Variants in LDLRAD4 observed in about 807,000 individuals in gnomAD.
LDLRAD4 encodes the protein low density lipoprotein receptor class A domain containing 4.
A neutral mutation model predicts 17.0 loss-of-function variants in LDLRAD4; 5 were observed. The ratio of observed to expected loss-of-function variants is 0.29; its 90% CI spans 0.15 to 0.62. LDLRAD4 has a LOEUF of 0.62. Among genes scored for constraint, LDLRAD4 ranks in the 20% least tolerant of loss-of-function variants. The pLI is 0.84. For synonymous variants in LDLRAD4, 168 were observed against 171.8 expected (o/e 0.98, Z 0.17); for missense variants, 340 against 424.7 (o/e 0.80, Z 1.75).
chr18:13,375,882 C>G (rs962439754), intron 1 of LDLRAD4, among the ~76,000 whole-genome samples: 2 of 152,106 alleles, frequency 1.3e-5, no homozygotes, highest in Non-Finnish European at 2.9e-5. Context: ...GTGTGTTTCC[C>G]GATTTCAAGT....
At chr18:13,346,698 T>A (rs569160582) in intron 1 of LDLRAD4, among the ~76,000 whole-genome samples, 13 of 152,292 alleles carry the variant, frequency 8.5e-5, no homozygotes, top group African/African-American at 2.4e-4. Flanking sequence ...CCCATTATTA[T>A]TGTGTGGGAG....
At chr18:13,280,003 CCTT>C (rs1353406432) in intron 1 of LDLRAD4, 3 of 152,274 alleles carry the variant, frequency 2.0e-5, no homozygotes, top group African/African-American at 7.2e-5. Context: ...GGTGGTATTG[CCTT>C]CTTCTGCTTT....
chr18:13,650,336 G>A lies in LDLRAD4; in HGVS notation c.*4679G>A, dbSNP rs181493139. 5.6e-4 allele frequency: 225 copies of A among 400,856 alleles called. 1 individual carries two copies. Among genetic ancestry groups the A allele is most frequent in the Non-Finnish European group, 8.0e-4 (183 of 227,332 alleles). 24.8% of individuals were successfully genotyped at this position (400,856 alleles called of 1,614,324 possible). On this transcript the variant is annotated 3_prime_UTR_variant, in exon 6 of 6. Coordinates refer to ENST00000359446, the Ensembl canonical transcript of LDLRAD4. ...AGGAATGTCTTGCTAAGAAAGCAATGTCTTCCTTCATCCTTTTCTTTCTTC... is the reference window on the plus strand; with the variant it reads ...AGGAATGTCTTGCTAAGAAAGCAATATCTTCCTTCATCCTTTTCTTTCTTC...
intron 3 of LDLRAD4, among the ~76,000 whole-genome samples, chr18:13,455,822 G>C (rs2092102681): frequency 6.6e-6 from 1 of 152,170 alleles, no homozygotes; most frequent in Non-Finnish European, 1.5e-5. Context: ...GTGGTGCTAA[G>C]ATAAATGGAT....
At chr18:13,275,718 C>G (rs1484346559), upstream of LDLRAD4, among the ~76,000 whole-genome samples, 1 of 152,164 alleles carries the variant, frequency 6.6e-6, no homozygotes, top group Non-Finnish European at 1.5e-5. Flanking sequence ...ATCAAAACAT[C>G]TCATGTACCC....
intron 3 of LDLRAD4, among the ~76,000 whole-genome samples, chr18:13,536,592 C>G (rs1030980894): frequency 2.0e-5 from 3 of 151,854 alleles, no homozygotes; most frequent in Non-Finnish European, 2.9e-5. Context: ...TTTTCCCAGC[C>G]TGTATGCCTT....
chr18:13,494,673 A>ATT (rs369486762), intron 3 of LDLRAD4, among the ~76,000 whole-genome samples: 7 of 17,338 alleles, frequency 4.0e-4, no homozygotes, highest in African/African-American at 1.6e-3. Context: ...CATATTTAAT[A>ATT]ATATAATATA....
At chr18:13,494,284 A>C (rs1283575453) in intron 3 of LDLRAD4, among the ~76,000 whole-genome samples, 1 of 152,050 alleles carries the variant, frequency 6.6e-6, no homozygotes, top group Non-Finnish European at 1.5e-5. Flanking sequence ...CTTCTGCTTC[A>C]AGGGACATCA....
At chr18:13,237,618 A>G (rs1212308013) in intron 1 of LDLRAD4, among the ~76,000 whole-genome samples, 2 of 152,202 alleles carry the variant, frequency 1.3e-5, no homozygotes, top group African/African-American at 4.8e-5. Flanking sequence ...CTCGGTCTCC[A>G]AGTAGCATTG....
Position 13,413,684 on chromosome 18 carries a change from G to C in LDLRAD4, c.41-24560G>C, listed in dbSNP as rs75937489. The stretch of plus-strand genomic sequence containing the variant: ...ACTGTCAACATTTACTGGATGTCCA[G>C]TGTTTGCAGTGACCTAACGATTGCT... On this transcript the variant is annotated intron_variant, in intron 2 of 5. Coordinates refer to ENST00000359446, the Ensembl canonical transcript of LDLRAD4. Among the ~76,000 whole-genome samples the C allele has an allele frequency of 2.0e-3, 307 of 152,336 alleles. 1 individual carries two copies. Among genetic ancestry groups the C allele is most frequent in the African/African-American group, 7.2e-3 (298 of 41,572 alleles).
rs2092362153 is a variant in LDLRAD4 at position 13,460,177 on chromosome 18, C to T, written c.181+21793C>T. Among the ~76,000 whole-genome samples, 3 of 152,128 alleles carry T rather than the reference C, an allele frequency of 2.0e-5. No individual in the cohort carries two copies. In the South Asian group the frequency reaches 6.2e-4, roughly 31 times the overall value. ...ACTAGTAGTTAATGAACATTATTTT[C>T]CTAAATTCATAGCTTTTATTTTGTT... On this transcript the variant is annotated intron_variant, in intron 3 of 5. Coordinates refer to ENST00000359446, the Ensembl canonical transcript of LDLRAD4.
chr18:13,333,482 T>G (rs995379963), intron 1 of LDLRAD4, among the ~76,000 whole-genome samples: 1 of 152,218 alleles, frequency 6.6e-6, no homozygotes, highest in African/African-American at 2.4e-5. Context: ...TCTAAGAAAT[T>G]GTTGCCATTC....
intron 3 of LDLRAD4, among the ~76,000 whole-genome samples, chr18:13,497,326 G>A (rs930070248): frequency 6.7e-6 from 1 of 148,964 alleles, no homozygotes; most frequent in Non-Finnish European, 1.5e-5. Context: ...ACCGGGACAT[G>A]CCACCATGCC....
chr18:13,253,013 G>T (rs996827743), intron 1 of LDLRAD4, among the ~76,000 whole-genome samples: 11 of 152,212 alleles, frequency 7.2e-5, no homozygotes, highest in Non-Finnish European at 1.3e-4. Flanking sequence ...CGGGGCACTG[G>T]GGGTCCAGGG....
At chr18:13,642,329 C>A in intron 4 of LDLRAD4, 1 of 999,108 alleles carries the variant, frequency 1.0e-6, no homozygotes, top group Non-Finnish European at 1.2e-6. Context: ...CGCGCTCTCC[C>A]GTGACGGCCG....
At position 13,250,899 on chromosome 18, in the gene LDLRAD4, A is replaced by C. The variant is rs567817164; in HGVS notation, c.-466-27206A>C. On this transcript the variant is annotated intron_variant, in intron 1 of 5. Coordinates refer to the LDLRAD4 transcript ENST00000399848. ...ATTCTACAAGGCCAGCATAACCCTGACACAAAAAGCAAATAAGAACACAGC... is the reference window on the plus strand; with the variant it reads ...ATTCTACAAGGCCAGCATAACCCTGCCACAAAAAGCAAATAAGAACACAGC... Among the ~76,000 whole-genome samples the C allele has an allele frequency of 1.0e-3, 153 of 152,344 alleles. 1 individual carries two copies. The highest frequency in any genetic ancestry group is 3.4e-3 in the African/African-American group (143 of 41,592).
intron 1 of LDLRAD4, among the ~76,000 whole-genome samples, chr18:13,361,841 G>A (rs967970141): frequency 6.6e-6 from 1 of 152,154 alleles, no homozygotes; most frequent in Non-Finnish European, 1.5e-5. Flanking sequence ...GCCAGAGCAG[G>A]CTCATGGTAG....
intron 1 of LDLRAD4, among the ~76,000 whole-genome samples, chr18:13,310,155 C>A (rs115811006): frequency 6.1e-4 from 89 of 145,148 alleles, no homozygotes; most frequent in South Asian, 4.9e-3. Context: ...GGTCAGCCTG[C>A]GCAACATAGT....
At chr18:13,370,715 T>TTTTTTTTTTGTTTG (rs545560689) in intron 1 of LDLRAD4, among the ~76,000 whole-genome samples, 80,735 of 120,698 alleles carry the variant, frequency 0.67, 26,635 homozygotes, top group Non-Finnish European at 0.73. Context: ...TTTGTTTTGT[T>TTTTTTTTTTGTTTG]TTTTTTTTTT....
Sources: gnomAD v4.1 joint callset for allele counts (sites outside exome capture counted in the v4.1 genomes callset) on GRCh38, gnomAD v4.1.1 for gene constraint, MANE v1.5 for transcripts, NCBI Gene and HGNC (gene_info 2026-07-23, HGNC 2026-07-21) for gene names.